Variants in UBE3C observed in about 807,000 individuals in gnomAD.
The protein encoded by UBE3C is ubiquitin protein ligase E3C, also known as ubiquitin-protein ligase E3C.
In UBE3C, 42 loss-of-function variants were observed where a neutral mutation model predicts 129.4. The ratio of observed to expected loss-of-function variants is 0.32; its 90% CI spans 0.25 to 0.42. The LOEUF (loss-of-function observed/expected upper bound fraction) is 0.42. Ranked by LOEUF, UBE3C falls within the 10% of genes least tolerant of loss-of-function variation. The pLI is 1.00. For missense variants in UBE3C, 1,049 were observed against 1,319.1 expected (o/e 0.80, Z 3.17); for synonymous variants, 510 against 492.4 (o/e 1.04, Z -0.47).
intron 22 of UBE3C, among the ~76,000 whole-genome samples, chr7:157,262,268 T>G (rs902449849): frequency 5.9e-5 from 9 of 151,786 alleles, no homozygotes; most frequent in African/African-American, 1.9e-4. Context: ...AAGGAGCAAA[T>G]AAACTATAAT....
At chr7:157,242,069 T>C (rs928416087) in intron 18 of UBE3C, among the ~76,000 whole-genome samples, 1 of 152,200 alleles carries the variant, frequency 6.6e-6, no homozygotes, top group African/African-American at 2.4e-5. Flanking sequence ...AGAAATTGAT[T>C]GTGGCGATGG....
chr7:157,154,660 A>G (rs1038050640), intron 1 of UBE3C, among the ~76,000 whole-genome samples: 3 of 152,224 alleles, frequency 2.0e-5, no homozygotes, highest in Admixed American at 6.5e-5. Context: ...TGCCTTATTT[A>G]CCACACAATT....
At chr7:157,242,915 C>T (rs1440414391) in intron 18 of UBE3C, among the ~76,000 whole-genome samples, 3 of 152,068 alleles carry the variant, frequency 2.0e-5, no homozygotes, top group South Asian at 2.1e-4. Flanking sequence ...ATAAGCTGGG[C>T]GTGGTGGTGG....
At chr7:157,145,717 T>C (rs890528876) in intron 1 of UBE3C, among the ~76,000 whole-genome samples, 12 of 152,244 alleles carry the variant, frequency 7.9e-5, no homozygotes, top group African/African-American at 2.7e-4. Flanking sequence ...TTTTCATGGC[T>C]TGACAGTTCA....
intron 11 of UBE3C, among the ~76,000 whole-genome samples, chr7:157,202,501 AC>A: frequency 6.6e-6 from 1 of 152,286 alleles, no homozygotes; most frequent in African/African-American, 2.4e-5. Context: ...TACTAAAAAT[AC>A]AAAAATTAGT....
chr7:157,164,657 G>T, intron 2 of UBE3C: 3 of 337,480 alleles, frequency 8.9e-6, no homozygotes, highest in Non-Finnish European at 1.7e-5. Flanking sequence ...GCTTTTTTAG[G>T]TAGAGTTTTT....
At chr7:157,144,557 A>C (rs1807550799) in intron 1 of UBE3C, among the ~76,000 whole-genome samples, 1 of 152,144 alleles carries the variant, frequency 6.6e-6, no homozygotes, top group South Asian at 2.1e-4. Context: ...TTTGAGACTT[A>C]AAGAAGCTAG....
At chr7:157,156,107 C>T (rs924410608) in intron 1 of UBE3C, among the ~76,000 whole-genome samples, 68 of 152,244 alleles carry the variant, frequency 4.5e-4, no homozygotes, top group African/African-American at 1.6e-3. Context: ...CCCCTTTCCT[C>T]CCAGCCACTC....
At chr7:157,211,272 G>A (rs1809588289) in intron 13 of UBE3C, among the ~76,000 whole-genome samples, 1 of 151,550 alleles carries the variant, frequency 6.6e-6, no homozygotes, top group African/African-American at 2.4e-5. Context: ...TTTTTAAAAA[G>A]TAATAAAGCA....
chr7:157,236,673 A>G (rs1796159797), intron 18 of UBE3C, among the ~76,000 whole-genome samples: 1 of 152,144 alleles, frequency 6.6e-6, no homozygotes, highest in South Asian at 2.1e-4. Flanking sequence ...TGGTTGCCTT[A>G]GTCCTTAAAG....
chr7:157,223,070 A>G lies in UBE3C; in HGVS notation c.2003-184A>G, dbSNP rs1217841944. On this transcript the variant is annotated intron_variant, in intron 15 of 22. Coordinates refer to ENST00000348165, the MANE Select transcript of UBE3C (RefSeq NM_014671.3). Reference sequence around the variant, plus strand: ...GATCAAGTTATGTGTTCGGGGAGCTACTGTGCTGATCCTGCACTGTGCATG... The same window carrying G: ...GATCAAGTTATGTGTTCGGGGAGCTGCTGTGCTGATCCTGCACTGTGCATG... The G allele has an allele frequency of 2.1e-5, 12 of 572,672 alleles. No homozygotes were observed. The South Asian group carries it at 2.5e-4, about 12-fold the overall frequency. The allele number at this position is 572,672 out of a possible 1,614,324, so 35.5% of individuals were successfully genotyped here. A position where few individuals can be genotyped will look rare whatever the true frequency, so the allele number is the denominator to read the frequency against.
chr7:157,162,269 T>A (rs1808091541), intron 1 of UBE3C, among the ~76,000 whole-genome samples: 1 of 151,978 alleles, frequency 6.6e-6, no homozygotes, highest in Non-Finnish European at 1.5e-5. Flanking sequence ...ATCTTGGCTC[T>A]CTGCAAGCTC....
chr7:157,205,037 TTA>T (rs1809394961), intron 11 of UBE3C, among the ~76,000 whole-genome samples: 1 of 152,098 alleles, frequency 6.6e-6, no homozygotes, highest in African/African-American at 2.4e-5. Context: ...CTCCCCTGAG[TTA>T]TGTGTGAATC....
intron 13 of UBE3C, among the ~76,000 whole-genome samples, chr7:157,210,138 C>G (rs766561470): frequency 1.1e-4 from 17 of 152,266 alleles, no homozygotes; most frequent in Non-Finnish European, 1.9e-4. Flanking sequence ...GATAGCGCCA[C>G]TGCACTCCAG....
At chr7:157,192,884 ATTATC>A in intron 10 of UBE3C, 2 of 842,372 alleles carry the variant, frequency 2.4e-6, no homozygotes, top group Non-Finnish European at 3.9e-6. Flanking sequence ...AAAAGAAGGG[ATTATC>A]AAAGAAGACA....
intron 1 of UBE3C, among the ~76,000 whole-genome samples, chr7:157,151,004 C>T (rs1456565960): frequency 6.6e-6 from 1 of 152,202 alleles, no homozygotes; most frequent in Non-Finnish European, 1.5e-5. Flanking sequence ...ACCGTGTCCT[C>T]ATGGCAGCTG....
intron 22 of UBE3C, among the ~76,000 whole-genome samples, chr7:157,266,078 G>A (rs1242591234): frequency 2.0e-5 from 3 of 152,312 alleles, no homozygotes; most frequent in Admixed American, 2.0e-4. Flanking sequence ...ACTTTGGGAG[G>A]CTGAGGCGGG....
intron 1 of UBE3C, among the ~76,000 whole-genome samples, chr7:157,161,819 C>G (rs774348052): frequency 9.2e-5 from 14 of 152,040 alleles, no homozygotes; most frequent in Non-Finnish European, 2.9e-5. Flanking sequence ...TGTCTGTAAT[C>G]CCAGCAGTTC....
At position 157,254,275 on chromosome 7, in the gene UBE3C, G is replaced by A. The variant is rs1188182530; in HGVS notation, c.2915G>A (p.Ser972Asn). Residue 972 changes from serine (S) to asparagine (N), a missense_variant, in exon 21 of 23, where the codon AGC becomes AAC. Transcript: ENST00000348165. ...VLISGAQVPI[S>N]LEDLKSFTNY... The stretch of plus-strand genomic sequence containing the variant: ...ATTTCTGGTGCACAAGTTCCCATAA[G>A]CCTAGAGGACCTAAAATCCTTTACA... 1.2e-6 allele frequency: 2 copies of A among 1,613,382 alleles called. No individual in the cohort carries two copies. The highest frequency in any genetic ancestry group is 2.2e-5 in the East Asian group (1 of 44,882).
Sources: gnomAD v4.1 joint callset for allele counts (sites outside exome capture counted in the v4.1 genomes callset) on GRCh38, gnomAD v4.1.1 for gene constraint, MANE v1.5 for transcripts, NCBI Gene and HGNC (gene_info 2026-07-23, HGNC 2026-07-21) for gene names.